Variants in RAPGEF6 observed in about 807,000 individuals in gnomAD.
RAPGEF6 encodes the protein PDZ domain containing guanine nucleotide exchange factor (GEF) 2.
In RAPGEF6, 56 loss-of-function variants were observed where a neutral mutation model predicts 171.4. The ratio of observed to expected loss-of-function variants is 0.33; its 90% confidence interval spans 0.26 to 0.41. The LOEUF is 0.41. RAPGEF6 is among the 10% of genes least tolerant of loss of function. RAPGEF6 has a pLI of 1.00. For synonymous variants in RAPGEF6, 692 were observed against 650.1 expected (o/e 1.06, Z -0.98); for missense variants, 1,674 against 1,921.4 (o/e 0.87, Z 2.41).
intron 4 of RAPGEF6, among the ~76,000 whole-genome samples, chr5:131,580,225 A>G (rs563689514): frequency 2.8e-4 from 42 of 152,278 alleles, no homozygotes; most frequent in African/African-American, 1.0e-3. Context: ...TGGCATGGGC[A>G]GGCCGGCAGT....
intron 1 of RAPGEF6, among the ~76,000 whole-genome samples, chr5:131,606,849 A>G (rs1764629408): frequency 6.6e-6 from 1 of 152,234 alleles, no homozygotes; most frequent in African/African-American, 2.4e-5. Context: ...AAGGTACTAG[A>G]TATGTAAGTT....
At chr5:131,490,855 C>T (rs368279088) in intron 14 of RAPGEF6, among the ~76,000 whole-genome samples, 87 of 152,266 alleles carry the variant, frequency 5.7e-4, no homozygotes, top group African/African-American at 1.9e-3. Context: ...ATCAGTTAAG[C>T]AGGTGTAAAT....
chr5:131,582,665 T>C (rs972605679), intron 4 of RAPGEF6, among the ~76,000 whole-genome samples: 3 of 152,198 alleles, frequency 2.0e-5, no homozygotes, highest in Admixed American at 2.0e-4. Flanking sequence ...AATGCACAAA[T>C]AGGGAGAAAA....
intron 13 of RAPGEF6, among the ~76,000 whole-genome samples, chr5:131,495,192 T>A (rs539797362): frequency 1.3e-5 from 2 of 150,996 alleles, no homozygotes; most frequent in African/African-American, 2.4e-5. Context: ...ACTCAGGAGG[T>A]TGAGGTAGGA....
Position 131,604,807 on chromosome 5 carries a change from A to C in RAPGEF6, c.70-114T>G, listed in dbSNP as rs1010129214. On this transcript the variant is annotated intron_variant, in intron 1 of 27. Transcript: ENST00000509018. ...ACCACTTATGGCAAAGCAGTTAACT[A>C]TGGAAAAATCATAAAACCTCTGAAT... The C allele has an allele frequency of 4.7e-6, 6 of 1,282,320 alleles. No individual in the cohort carries two copies. In the African/African-American group the frequency reaches 7.7e-5, roughly 16 times the overall value. 79.4% of individuals were successfully genotyped at this position (1,282,320 alleles called of 1,614,324 possible).
Position 131,566,438 on chromosome 5 carries a change from T to C in RAPGEF6, c.282-4391A>G, listed in dbSNP as rs570788426. 1.3e-4 allele frequency among the ~76,000 whole-genome samples: 20 copies of C among 152,306 alleles called. 1 individual carries two copies. The South Asian group carries it at 3.7e-3, about 28-fold the overall frequency. On this transcript the variant is annotated intron_variant, in intron 4 of 27. Coordinates refer to ENST00000509018, the MANE Select transcript of RAPGEF6 (RefSeq NM_016340.6). ...CATTCCTGGGATAATCCCAACTTGA[T>C]CATGGTATAAAATACTTTAAATATA...
At chr5:131,427,349 A>T in intron 27 of RAPGEF6, 58 bp from the exon 28 acceptor site, 1 of 1,386,744 alleles carries the variant, frequency 7.2e-7, no homozygotes, top group Non-Finnish European at 1.0e-6. Flanking sequence ...AGATCCTAAT[A>T]ATCTAGTTAT....
At chr5:131,597,480 G>T (rs968530064) in intron 3 of RAPGEF6, among the ~76,000 whole-genome samples, 1 of 152,046 alleles carries the variant, frequency 6.6e-6, no homozygotes, top group African/African-American at 2.4e-5. Context: ...AACAGATAAA[G>T]AAAATGGGGT....
At chr5:131,549,663 C>T (rs760577153) in intron 5 of RAPGEF6, among the ~76,000 whole-genome samples, 15 of 151,784 alleles carry the variant, frequency 9.9e-5, no homozygotes, top group East Asian at 1.9e-4. Flanking sequence ...CTGGGCAACA[C>T]GGCAAGACCC....
At chr5:131,603,761 A>G (rs1580660805) in intron 2 of RAPGEF6, among the ~76,000 whole-genome samples, 1 of 152,142 alleles carries the variant, frequency 6.6e-6, no homozygotes, top group East Asian at 1.9e-4. Context: ...CTAATTTTTC[A>G]GTTTTCTTTC....
intron 1 of RAPGEF6, among the ~76,000 whole-genome samples, chr5:131,630,025 A>G (rs903814471): frequency 6.6e-6 from 1 of 152,216 alleles, no homozygotes; most frequent in African/African-American, 2.4e-5. Flanking sequence ...GACTGACACC[A>G]ATTTTGAAAG....
intron 6 of RAPGEF6, among the ~76,000 whole-genome samples, chr5:131,526,110 T>C (rs576036938): frequency 1.3e-5 from 2 of 152,278 alleles, no homozygotes; most frequent in South Asian, 2.1e-4. Flanking sequence ...TGAAAACATA[T>C]GGGCCCTGCC....
At position 131,635,179 on chromosome 5, in the gene RAPGEF6, C is replaced by A. The variant is rs759131340; in HGVS notation, c.-149G>T. 1.3e-6 allele frequency: 1 copy of A among 789,450 alleles called. No homozygotes were observed. Among genetic ancestry groups the A allele is most frequent in the Non-Finnish European group, 1.9e-6 (1 of 514,944 alleles). The allele number at this position is 789,450 out of a possible 1,614,324, so 48.9% of individuals were successfully genotyped here. ...CCGAACTCTAGCAAACAACCCTTCG[C>A]AACGCCCGCCTAAGGCCTCTACCCA... On this transcript the variant is annotated 5_prime_UTR_variant, in exon 1 of 28. Coordinates refer to ENST00000509018, the MANE Select transcript of RAPGEF6 (RefSeq NM_016340.6).
chr5:131,494,971 A>T (rs978315031), intron 13 of RAPGEF6, among the ~76,000 whole-genome samples: 3 of 152,114 alleles, frequency 2.0e-5, no homozygotes, highest in African/African-American at 7.2e-5. Flanking sequence ...AGCCTGAGTA[A>T]CTAAGAGATA....
chr5:131,460,858 AG>A (rs1391754071), intron 19 of RAPGEF6, among the ~76,000 whole-genome samples: 1 of 152,196 alleles, frequency 6.6e-6, no homozygotes, highest in East Asian at 1.9e-4. Context: ...AATCTACATG[AG>A]GAGTAGAAAC....
chr5:131,429,642 G>A (rs1275553993), intron 26 of RAPGEF6, among the ~76,000 whole-genome samples: 3 of 152,194 alleles, frequency 2.0e-5, no homozygotes, highest in Non-Finnish European at 4.4e-5. Context: ...TTTAAGGGCT[G>A]TTTCACCTTC....
chr5:131,599,679 C>T (rs1198552378), intron 3 of RAPGEF6, among the ~76,000 whole-genome samples: 1 of 152,204 alleles, frequency 6.6e-6, no homozygotes, highest in East Asian at 1.9e-4. Context: ...CAACAATTTA[C>T]ATTTTAGAAA....
intron 1 of RAPGEF6, among the ~76,000 whole-genome samples, chr5:131,618,335 A>C (rs574339460): frequency 1.3e-4 from 20 of 152,172 alleles, no homozygotes; most frequent in South Asian, 2.1e-4. Context: ...AGAAATATAG[A>C]ATCAGAAAAT....
intron 19 of RAPGEF6, among the ~76,000 whole-genome samples, chr5:131,459,407 T>C (rs560991326): frequency 3.9e-5 from 6 of 152,308 alleles, no homozygotes; most frequent in African/African-American, 1.4e-4. Context: ...TACCAGGATT[T>C]CCCATTTGAC....
Sources: allele counts gnomAD v4.1 joint callset (sites outside exome capture counted in the v4.1 genomes callset), GRCh38; gene constraint gnomAD v4.1.1; transcripts MANE v1.5; gene names NCBI Gene and HGNC (gene_info 2026-07-23, HGNC 2026-07-21).